Variants in ACOT11 observed in about 807,000 individuals in gnomAD.
ACOT11 encodes the protein acyl-CoA thioesterase 11, also known as acyl-coenzyme A thioesterase 11.
In ACOT11, 69 loss-of-function variants were observed where a neutral mutation model predicts 77.5. The observed-to-expected ratio is 0.89, with a 90% CI of 0.73 to 1.09. The LOEUF (loss-of-function observed/expected upper bound fraction) is 1.09. Among genes scored for constraint, ACOT11 ranks in the 50% least tolerant of loss-of-function variants. The pLI, the probability that ACOT11 is intolerant of heterozygous loss-of-function variation, is 0.00. For synonymous variants in ACOT11, 279 were observed against 313.0 expected (o/e 0.89, Z 1.15); for missense variants, 766 against 813.7 (o/e 0.94, Z 0.71).
chr1:54,618,337 C>G (rs1257436696), intron 15 of ACOT11, among the ~76,000 whole-genome samples: 1 of 152,082 alleles, frequency 6.6e-6, no homozygotes, highest in Non-Finnish European at 1.5e-5. Context: ...AAACCCATCT[C>G]TACTAAAAAT....
chr1:54,578,092 C>T (rs530745916), intron 1 of ACOT11, among the ~76,000 whole-genome samples: 7 of 152,252 alleles, frequency 4.6e-5, no homozygotes, highest in Non-Finnish European at 1.0e-4. Context: ...TCAATAGTGC[C>T]AGTTCTATGA....
chr1:54,593,876 C>G (rs557641847), intron 4 of ACOT11, 65 bp from the exon 5 acceptor site: 1 of 1,377,128 alleles, frequency 7.3e-7, no homozygotes, highest in East Asian at 2.3e-5. Flanking sequence ...GGTGGAGCTG[C>G]GGGGCTTCTA....
chr1:54,548,489 C>A, intron 1 of ACOT11, 147 bp downstream of exon 1: 2 of 1,023,884 alleles, frequency 2.0e-6, no homozygotes, highest in Non-Finnish European at 2.9e-6. Flanking sequence ...GGAGAAATCG[C>A]AGAACCCCTG....
chr1:54,567,286 T>TA (rs1373834427), intron 1 of ACOT11, among the ~76,000 whole-genome samples: 2 of 150,850 alleles, frequency 1.3e-5, no homozygotes, highest in Non-Finnish European at 3.0e-5. Flanking sequence ...TTTTTCCTTT[T>TA]TTTTTTTTTT....
At chr1:54,616,260 C>T in intron 15 of ACOT11, 1 of 1,181,290 alleles carries the variant, frequency 8.5e-7, no homozygotes, top group Non-Finnish European at 1.2e-6. Context: ...AATTACAGAA[C>T]ATTTGAGAAA....
chr1:54,574,737 G>T lies in ACOT11; in HGVS notation c.34-9918G>T, dbSNP rs140877298. On this transcript the variant is annotated intron_variant, in intron 1 of 15. Transcript: ENST00000343744. ...TTCAAATGCAATCTACCTGTCTCAA[G>T]AACCCACTGTCCACCAGCAAACCCT... 5.7e-3 allele frequency among the ~76,000 whole-genome samples: 861 copies of T among 152,224 alleles called. 2 individuals are homozygous for T. The highest frequency in any genetic ancestry group is 0.044 in the Middle Eastern group (13 of 294).
At chr1:54,618,705 T>C (rs1332561885) in intron 15 of ACOT11, among the ~76,000 whole-genome samples, 1 of 151,682 alleles carries the variant, frequency 6.6e-6, no homozygotes, top group Non-Finnish European at 1.5e-5. Flanking sequence ...GGACATGGAG[T>C]CAATAGCCCT....
In ACOT11 at chr1:54,615,512, G is replaced by A. The variant is rs115695788; in HGVS notation, c.1629+7444G>A. 4.0e-3 allele frequency among the ~76,000 whole-genome samples: 605 copies of A among 152,252 alleles called. 4 individuals carry two copies. The highest frequency in any genetic ancestry group is 0.013 in the African/African-American group (521 of 41,538). ...CCTGGAAGGGCTGAATTTGGGGCAGGAAGCCAGTGAGGAGGGAGGTCCTGG... is the reference window on the plus strand; with the variant it reads ...CCTGGAAGGGCTGAATTTGGGGCAGAAAGCCAGTGAGGAGGGAGGTCCTGG... On this transcript the variant is annotated intron_variant, in intron 15 of 16. Coordinates refer to the ACOT11 transcript ENST00000371316.
At chr1:54,568,639 C>T (rs1374928661) in intron 1 of ACOT11, among the ~76,000 whole-genome samples, 1 of 152,166 alleles carries the variant, frequency 6.6e-6, no homozygotes, top group Non-Finnish European at 1.5e-5. Context: ...GCTGGGATTA[C>T]AGGCGTGAGC....
At chr1:54,603,172 A>T (rs1643984575) in intron 10 of ACOT11, among the ~76,000 whole-genome samples, 3 of 152,220 alleles carry the variant, frequency 2.0e-5, no homozygotes, top group African/African-American at 7.2e-5. Context: ...CCCCGTCTCT[A>T]CTAAAAATAC....
chr1:54,601,177 G>A lies in ACOT11; in HGVS notation c.885-92G>A, dbSNP rs1393979250. On this transcript the variant is annotated intron_variant, in intron 8 of 15. Transcript: ENST00000343744. The stretch of plus-strand genomic sequence containing the variant: ...TGCATGCATGTGTGTGGGCGCATGT[G>A]TGCATGTGTGTGTGTGAGTGTGTGT... 4.1e-6 allele frequency: 6 copies of A among 1,479,216 alleles called. No homozygotes were observed. In the East Asian group the frequency reaches 9.1e-5, roughly 22 times the overall value. 91.6% of individuals were successfully genotyped at this position (1,479,216 alleles called of 1,614,324 possible). A position where few individuals can be genotyped will look rare whatever the true frequency, so the allele number is the denominator to read the frequency against.
At chr1:54,562,546 C>CCA (rs1653565436) in intron 1 of ACOT11, among the ~76,000 whole-genome samples, 1 of 46,812 alleles carries the variant, frequency 2.1e-5, no homozygotes. Context: ...GGGGGGCTGA[C>CCA]CCACCCCCCA....
intron 3 of ACOT11, among the ~76,000 whole-genome samples, chr1:54,586,414 C>G (rs1654502570): frequency 6.6e-6 from 1 of 151,258 alleles, no homozygotes; most frequent in South Asian, 2.1e-4. Flanking sequence ...TACCTCATTA[C>G]TAAAGTAGAC....
chr1:54,592,493 G>A (rs2100988499), intron 3 of ACOT11, 53 bp from the exon 4 acceptor site: 2 of 1,556,402 alleles, frequency 1.3e-6, no homozygotes, highest in South Asian at 2.3e-5. Flanking sequence ...TGAGGCCCCT[G>A]TTCCTCCCTC....
chr1:54,607,931 C>G lies in ACOT11; in HGVS notation c.1503-11C>G. ...TGACCCCTGTCCCCTTGCTACCCTT[C>G]CTTCACTCAGGGACCCCTATGTCAT... On this transcript the variant is annotated splice_polypyrimidine_tract_variant and intron_variant, in intron 14 of 15. Transcript: ENST00000343744. The surrounding 1 kb of genome is among the most constrained non-coding windows in gnomAD (Gnocchi z 4.5). The G allele has an allele frequency of 6.2e-7, 1 of 1,613,808 alleles. No individual in the cohort carries two copies. Among genetic ancestry groups the G allele is most frequent in the Non-Finnish European group, 8.5e-7 (1 of 1,179,882 alleles).
intron 15 of ACOT11, among the ~76,000 whole-genome samples, chr1:54,619,218 C>T (rs1370057953): frequency 1.3e-5 from 2 of 152,204 alleles, no homozygotes; most frequent in East Asian, 3.9e-4. Context: ...TTTATAGCTA[C>T]TGCTTTAAAG....
chr1:54,558,803 C>G (rs72901628), intron 1 of ACOT11, among the ~76,000 whole-genome samples: 8,941 of 152,234 alleles, frequency 0.059, 347 homozygotes, highest in South Asian at 0.13. Context: ...GCCTTGTAGG[C>G]TGAGTTTGGG....
chr1:54,623,787 C>T (rs1284424645), intron 15 of ACOT11, among the ~76,000 whole-genome samples: 1 of 152,132 alleles, frequency 6.6e-6, no homozygotes, highest in African/African-American at 2.4e-5. Flanking sequence ...AAGTGTCTGC[C>T]GGTCTCTGGG....
In ACOT11 at chr1:54,597,180, A is replaced by C. The variant is rs184048114; in HGVS notation, c.608-79A>C. 9.3e-4 allele frequency: 1,461 copies of C among 1,573,274 alleles called. 6 individuals carry two copies. In the African/African-American group the frequency reaches 0.018, roughly 19 times the overall value. On this transcript the variant is annotated intron_variant, in intron 6 of 15. Coordinates refer to ENST00000343744, the MANE Select transcript of ACOT11 (RefSeq NM_147161.4). ...AGTGGGGTAGAGTGGTGGGGGTCCC[A>C]GGGCTGCCTGTGGGGAGGGGCTGCC...
Sources: allele counts gnomAD v4.1 joint callset (sites outside exome capture counted in the v4.1 genomes callset), GRCh38; gene constraint gnomAD v4.1.1; non-coding constraint Gnocchi (gnomAD v3.1); transcripts MANE v1.5; gene names NCBI Gene and HGNC (gene_info 2026-07-23, HGNC 2026-07-21).